Variants in TJP1 observed in about 807,000 individuals in gnomAD.
TJP1 encodes the protein tight junction protein ZO-1.
A neutral mutation model predicts 194.2 loss-of-function variants in TJP1; 43 were observed. That is an observed-to-expected ratio of 0.22 (90% CI 0.17 to 0.29). The LOEUF (loss-of-function observed/expected upper bound fraction) is 0.29. TJP1 is among the 10% of genes least tolerant of loss of function. TJP1 has a pLI of 1.00. For missense variants in TJP1, 1,971 were observed against 2,185.7 expected (o/e 0.90, Z 1.96); for synonymous variants, 801 against 779.0 (o/e 1.03, Z -0.47).
chr15:29,715,747 T>G (rs45590341), intron 23 of TJP1, among the ~76,000 whole-genome samples: 6,332 of 152,262 alleles, frequency 0.042, 166 homozygotes, highest in South Asian at 0.077. Context: ...AATGAGAATT[T>G]AGGCCTTCCC....
chr15:29,717,462 T>C (rs1332994858), intron 22 of TJP1, among the ~76,000 whole-genome samples: 2 of 152,214 alleles, frequency 1.3e-5, no homozygotes, highest in African/African-American at 2.4e-5. Flanking sequence ...AATGAGGCCA[T>C]GGGAAAAAGC....
upstream of TJP1, chr15:29,823,461 A>G (rs2050551136): frequency 6.6e-6 from 1 of 152,260 alleles, no homozygotes; most frequent in African/African-American, 2.4e-5. Context: ...CAATGATAAC[A>G]TCTTTAAAGT....
intron 2 of TJP1, among the ~76,000 whole-genome samples, chr15:29,948,564 C>G (rs1192424803): frequency 1.3e-5 from 2 of 152,106 alleles, no homozygotes; most frequent in South Asian, 2.1e-4. Flanking sequence ...TGAAAGAGAG[C>G]CACAGAAAGA....
intron 1 of TJP1, chr15:29,820,506 C>T (rs1567097682): frequency 2.8e-6 from 2 of 716,522 alleles, no homozygotes; most frequent in Non-Finnish European, 2.6e-6. Context: ...TACTATAATT[C>T]AGGAGAAGTA....
chr15:29,795,019 A>C (rs918212961), intron 2 of TJP1, among the ~76,000 whole-genome samples: 2 of 152,206 alleles, frequency 1.3e-5, no homozygotes, highest in Non-Finnish European at 2.9e-5. Flanking sequence ...TAATGAAACA[A>C]AACAAAACAG....
intron 2 of TJP1, among the ~76,000 whole-genome samples, chr15:29,928,685 T>G (rs981191602): frequency 4.6e-5 from 7 of 152,166 alleles, no homozygotes; most frequent in Admixed American, 2.6e-4. Flanking sequence ...GGCTCACGCC[T>G]GTAATCCCAG....
chr15:29,880,990 T>C (rs2052907478), intron 2 of TJP1, among the ~76,000 whole-genome samples: 1 of 152,216 alleles, frequency 6.6e-6, no homozygotes, highest in African/African-American at 2.4e-5. Flanking sequence ...TGTAATTCTA[T>C]TTTTCATTTT....
At chr15:29,867,615 AAAG>A (rs2052352867) in intron 2 of TJP1, among the ~76,000 whole-genome samples, 1 of 152,218 alleles carries the variant, frequency 6.6e-6, no homozygotes, top group Non-Finnish European at 1.5e-5. Flanking sequence ...AAAACATTTT[AAAG>A]AAGAATTGGC....
chr15:29,808,998 C>T (rs2049303947), intron 1 of TJP1, among the ~76,000 whole-genome samples: 1 of 152,108 alleles, frequency 6.6e-6, no homozygotes, highest in East Asian at 1.9e-4. Context: ...CCACATGGGG[C>T]TACTCAGCAC....
At chr15:29,843,883 T>C (rs1429442635) in intron 2 of TJP1, among the ~76,000 whole-genome samples, 1 of 151,794 alleles carries the variant, frequency 6.6e-6, no homozygotes, top group African/African-American at 2.4e-5. Flanking sequence ...TCCAGGAAAA[T>C]GCTTCCAGGC....
At chr15:29,721,480 A>G in intron 18 of TJP1, among the ~76,000 whole-genome samples, 1 of 152,176 alleles carries the variant, frequency 6.6e-6, no homozygotes, top group East Asian at 1.9e-4. Flanking sequence ...AAGCCTGTAC[A>G]GCCTGCAGAA....
chr15:29,703,535 G>A (rs567768280), intron 27 of TJP1, among the ~76,000 whole-genome samples: 44 of 152,224 alleles, frequency 2.9e-4, no homozygotes, highest in African/African-American at 9.9e-4. Flanking sequence ...TTTTAATAAG[G>A]TAAAAATGCC....
intron 1 of TJP1, among the ~76,000 whole-genome samples, chr15:29,817,597 G>A (rs1323517106): frequency 6.6e-6 from 1 of 152,162 alleles, no homozygotes; most frequent in Non-Finnish European, 1.5e-5. Context: ...GCCCACCAAT[G>A]ACAGATTGGA....
chr15:29,752,686 G>C (rs2045368104), intron 8 of TJP1, among the ~76,000 whole-genome samples: 1 of 152,026 alleles, frequency 6.6e-6, no homozygotes, highest in Non-Finnish European at 1.5e-5. Flanking sequence ...AAAAGTTCAG[G>C]ATGTCATCGA....
At chr15:29,908,481 T>C (rs1186018950) in intron 2 of TJP1, among the ~76,000 whole-genome samples, 1 of 152,216 alleles carries the variant, frequency 6.6e-6, no homozygotes, top group East Asian at 1.9e-4. Flanking sequence ...TCAGTCATTG[T>C]ACCTCCCTTG....
chr15:29,926,537 G>A (rs1294888813), intron 2 of TJP1, among the ~76,000 whole-genome samples: 1 of 151,942 alleles, frequency 6.6e-6, no homozygotes, highest in East Asian at 1.9e-4. Context: ...GCTTGAACCC[G>A]GGAGGTGGAG....
intron 4 of TJP1, among the ~76,000 whole-genome samples, chr15:29,768,177 G>C (rs2046437993): frequency 6.6e-6 from 1 of 152,174 alleles, no homozygotes; most frequent in Non-Finnish European, 1.5e-5. Context: ...GGCCTGAGCA[G>C]AGGGCCATTC....
chr15:29,757,861 A>C (rs2045745854), intron 8 of TJP1, among the ~76,000 whole-genome samples: 1 of 152,194 alleles, frequency 6.6e-6, no homozygotes, highest in Non-Finnish European at 1.5e-5. Flanking sequence ...GTGTGGGTCC[A>C]CTTACACTCG....
At chr15:29,819,227 T>A (rs1386685911) in intron 1 of TJP1, among the ~76,000 whole-genome samples, 1 of 152,210 alleles carries the variant, frequency 6.6e-6, no homozygotes, top group Non-Finnish European at 1.5e-5. Flanking sequence ...GCAGAAAACA[T>A]TTTTAAAAAA....
Sources: allele counts gnomAD v4.1 joint callset (sites outside exome capture counted in the v4.1 genomes callset), GRCh38; gene constraint gnomAD v4.1.1; transcripts MANE v1.5; gene names NCBI Gene and HGNC (gene_info 2026-07-23, HGNC 2026-07-21).